Variants in NECAB1 observed in about 807,000 individuals in gnomAD.
The protein encoded by NECAB1 is N-terminal EF-hand calcium binding protein 1, also known as N-terminal EF-hand calcium-binding protein 1.
Under a neutral mutation model 57.5 loss-of-function variants are expected in NECAB1, and 29 were observed. The observed-to-expected ratio is 0.50, with a 90% CI of 0.38 to 0.69. NECAB1 has a LOEUF of 0.69. Among genes scored for constraint, NECAB1 ranks in the 30% least tolerant of loss-of-function variants. The probability of loss-of-function intolerance (pLI) is 0.00; values close to 1 mark genes in which losing one functional copy is unlikely to be tolerated. For synonymous variants in NECAB1, 142 were observed against 147.7 expected (o/e 0.96, Z 0.28); for missense variants, 372 against 413.8 (o/e 0.90, Z 0.88).
At chr8:90,822,754 A>G (rs1812163768) in intron 2 of NECAB1, among the ~76,000 whole-genome samples, 1 of 151,826 alleles carries the variant, frequency 6.6e-6, no homozygotes, top group Non-Finnish European at 1.5e-5. Context: ...AATATTAACC[A>G]TTCACCAAGG....
In NECAB1 at chr8:90,957,847, A is replaced by C. The variant is rs948707437; in HGVS notation, c.*2335A>C. 3 of 150,860 alleles carry C rather than the reference A, an allele frequency of 2.0e-5. No homozygotes were observed. The highest frequency in any genetic ancestry group is 3.0e-5 in the Non-Finnish European group (2 of 67,418). 9.3% of individuals were successfully genotyped at this position (150,860 alleles called of 1,614,324 possible). A position where few individuals can be genotyped will look rare whatever the true frequency, so the allele number is the denominator to read the frequency against. ...TAGTAAAATAAAAAAAAATTTAAAA[A>C]ATTAAAAAATAAAAAAAAGAGGTCA... is the stretch of plus-strand genomic sequence containing the variant. On this transcript the variant is annotated 3_prime_UTR_variant, in exon 13 of 13. Transcript: ENST00000417640.
chr8:90,829,268 A>G (rs1812268496), intron 3 of NECAB1, among the ~76,000 whole-genome samples: 1 of 152,122 alleles, frequency 6.6e-6, no homozygotes, highest in Non-Finnish European at 1.5e-5. Flanking sequence ...AAGAGCAAGA[A>G]TAAATACAGG....
intron 1 of NECAB1, among the ~76,000 whole-genome samples, chr8:90,793,086 A>G (rs910787063): frequency 6.6e-6 from 1 of 152,138 alleles, no homozygotes; most frequent in African/African-American, 2.4e-5. Context: ...TGAGTGGGAG[A>G]TGGGCCAGAA....
At position 90,824,731 on chromosome 8, in the gene NECAB1, T is replaced by C; in HGVS notation, c.139T>C (p.Ser47Pro). The C allele has an allele frequency of 6.5e-7, 1 of 1,538,130 alleles. No homozygotes were observed. Among genetic ancestry groups the C allele is most frequent in the Non-Finnish European group, 8.8e-7 (1 of 1,138,370 alleles). The stretch of plus-strand genomic sequence containing the variant: ...TGCCATTTCAGATGATGGAAAATTA[T>C]CCTTTGAAGAATTCAAAGCATATTT... ...RADKNDDGKL[S>P]FEEFKAYFAD... is the part of the protein sequence containing the mutation. Residue 47 changes from serine (S) to proline (P), a missense_variant, in exon 3 of 13, where the codon TCC becomes CCC. Transcript: ENST00000417640.
At chr8:90,860,704 G>T (rs1307134120) in intron 3 of NECAB1, among the ~76,000 whole-genome samples, 1 of 152,154 alleles carries the variant, frequency 6.6e-6, no homozygotes, top group African/African-American at 2.4e-5. Context: ...AATTACTGCT[G>T]AGGGTTCAGA....
At chr8:90,849,630 AT>A (rs1328369756) in intron 3 of NECAB1, among the ~76,000 whole-genome samples, 2 of 149,640 alleles carry the variant, frequency 1.3e-5, no homozygotes, top group Non-Finnish European at 1.5e-5. Flanking sequence ...TAGATATAGT[AT>A]TATTATAGCA....
intron 5 of NECAB1, among the ~76,000 whole-genome samples, chr8:90,891,928 A>C (rs1809185284): frequency 6.6e-6 from 1 of 152,098 alleles, no homozygotes; most frequent in East Asian, 1.9e-4. Flanking sequence ...TTCTGGGCTC[A>C]AGCAATCCAG....
Position 90,872,159 on chromosome 8 carries a change from T to C in NECAB1, c.259+6T>C. ...TGACACAGAAGAGCTATGTGGTAAG[T>C]GTTTCTTTAAGATCAGTCAAACCTA... On this transcript the variant is annotated splice_donor_region_variant and intron_variant, in intron 4 of 12. Transcript: ENST00000417640. The C allele has an allele frequency of 1.4e-5, 21 of 1,547,398 alleles. No individual in the cohort carries two copies. Among genetic ancestry groups the C allele is most frequent in the Non-Finnish European group, 1.8e-5 (21 of 1,143,838 alleles).
chr8:90,955,112 TTA>T (rs59244524), intron 12 of NECAB1, among the ~76,000 whole-genome samples: 4,533 of 70,578 alleles, frequency 0.064, 157 homozygotes, highest in South Asian at 0.15. Flanking sequence ...GGTATATAAA[TTA>T]TATATATATA....
rs1811633096 is a variant in NECAB1 at position 90,794,756 on chromosome 8, T to C, written c.99+2771T>C. 1.3e-5 allele frequency among the ~76,000 whole-genome samples: 2 copies of C among 152,206 alleles called. 1 individual carries two copies. The highest frequency in any genetic ancestry group is 4.1e-4 in the South Asian group (2 of 4,830). Reference sequence around the variant, plus strand: ...TGGAAACAAAGCAAAAAGTATTGCATAAATTTGAAGTATTATGGTTATTTC... The same window carrying C: ...TGGAAACAAAGCAAAAAGTATTGCACAAATTTGAAGTATTATGGTTATTTC... On this transcript the variant is annotated intron_variant, in intron 1 of 12. Coordinates refer to ENST00000417640, the MANE Select transcript of NECAB1 (RefSeq NM_022351.5).
chr8:90,838,628 G>A (rs1288439795), intron 3 of NECAB1, among the ~76,000 whole-genome samples: 1 of 152,198 alleles, frequency 6.6e-6, no homozygotes, highest in African/African-American at 2.4e-5. Context: ...GGAGGGGTAA[G>A]AGAAAATCTG....
At chr8:90,926,400 C>T (rs1471780330) in intron 7 of NECAB1, among the ~76,000 whole-genome samples, 1 of 152,164 alleles carries the variant, frequency 6.6e-6, no homozygotes, top group Admixed American at 6.6e-5. Context: ...TTTATCTTGA[C>T]ACCTGATAAA....
chr8:90,865,841 A>G (rs1046118874), intron 3 of NECAB1, among the ~76,000 whole-genome samples: 2 of 152,144 alleles, frequency 1.3e-5, no homozygotes, highest in Admixed American at 6.6e-5. Context: ...GGTTGCATCT[A>G]TTATGTCACC....
chr8:90,867,015 A>G (rs946496961), intron 3 of NECAB1, among the ~76,000 whole-genome samples: 10 of 152,206 alleles, frequency 6.6e-5, no homozygotes, highest in Non-Finnish European at 1.2e-4. Flanking sequence ...ATGCCCATCA[A>G]TAATAGACTG....
intron 3 of NECAB1, among the ~76,000 whole-genome samples, chr8:90,850,952 A>G (rs1812670615): frequency 6.6e-6 from 1 of 152,194 alleles, no homozygotes; most frequent in Non-Finnish European, 1.5e-5. Flanking sequence ...GAACCAACCA[A>G]GTGATTAGAG....
At chr8:90,876,564 A>G (rs1750275474) in intron 4 of NECAB1, among the ~76,000 whole-genome samples, 1 of 152,142 alleles carries the variant, frequency 6.6e-6, no homozygotes, top group Admixed American at 6.5e-5. Context: ...CTGAAAACTC[A>G]ACAACTTGAA....
At chr8:90,857,370 CG>C (rs1812812718) in intron 3 of NECAB1, among the ~76,000 whole-genome samples, 1 of 152,014 alleles carries the variant, frequency 6.6e-6, no homozygotes, top group African/African-American at 2.4e-5. Context: ...AGACACAGTG[CG>C]AAACAGCCAA....
At chr8:90,944,008 T>G (rs1810738802) in intron 10 of NECAB1, among the ~76,000 whole-genome samples, 1 of 152,174 alleles carries the variant, frequency 6.6e-6, no homozygotes, top group Non-Finnish European at 1.5e-5. Flanking sequence ...TGCCTTGGCC[T>G]CCAAAAGTGC....
At chr8:90,893,095 C>G (rs1021723225) in intron 5 of NECAB1, among the ~76,000 whole-genome samples, 3 of 152,170 alleles carry the variant, frequency 2.0e-5, no homozygotes, top group Non-Finnish European at 4.4e-5. Context: ...TCATTCTGCC[C>G]TCCCTAGGTC....
Sources: gnomAD v4.1 joint callset for allele counts (sites outside exome capture counted in the v4.1 genomes callset) on GRCh38, gnomAD v4.1.1 for gene constraint, MANE v1.5 for transcripts, NCBI Gene and HGNC (gene_info 2026-07-23, HGNC 2026-07-21) for gene names.